The following CEP170 variants were observed in gnomAD, a reference collection of about 807,000 sequenced individuals.
CEP170 encodes the protein centrosomal protein 170.
CEP170 carries 21 observed loss-of-function variants against 151.9 expected under a neutral mutation model. The ratio of observed to expected loss-of-function variants is 0.14; its 90% CI spans 0.10 to 0.20. CEP170 has a LOEUF of 0.20. CEP170 is among the 10% of genes least tolerant of loss of function. CEP170 has a pLI of 1.00. For synonymous variants in CEP170, 356 were observed against 648.8 expected (o/e 0.55, Z 6.86); for missense variants, 964 against 1,892.9 (o/e 0.51, Z 9.11).
intron 3 of CEP170, among the ~76,000 whole-genome samples, chr1:243,221,132 C>T (rs1016299618): frequency 6.6e-6 from 1 of 152,180 alleles, no homozygotes; most frequent in African/African-American, 2.4e-5. Flanking sequence ...TCACGCCATT[C>T]TCCTGCCTCA....
chr1:243,183,471 C>T (rs1037425333), intron 10 of CEP170, among the ~76,000 whole-genome samples: 6 of 152,084 alleles, frequency 3.9e-5, no homozygotes, highest in Non-Finnish European at 7.4e-5. Context: ...TTCTGCCTTC[C>T]TTCTGGCTGT....
chr1:243,157,269 A>C (rs1319801885), intron 13 of CEP170, among the ~76,000 whole-genome samples: 2 of 152,256 alleles, frequency 1.3e-5, no homozygotes, highest in African/African-American at 4.8e-5. Context: ...GTTAGTAAAG[A>C]CATTAAAAAA....
intron 1 of CEP170, 91 bp from the exon 2 acceptor site, chr1:243,225,412 G>A (rs910190424): frequency 9.7e-6 from 5 of 517,004 alleles, no homozygotes; most frequent in Non-Finnish European, 1.4e-5. Context: ...GAATAGAACT[G>A]CGTTCATCAA....
intron 4 of CEP170, among the ~76,000 whole-genome samples, chr1:243,208,876 C>T (rs1279439259): frequency 6.6e-6 from 1 of 151,950 alleles, no homozygotes; most frequent in Non-Finnish European, 1.5e-5. Flanking sequence ...TTTCCCAAAC[C>T]ACTGGGACTA....
At chr1:243,171,611 T>A (rs191315074) in intron 11 of CEP170, among the ~76,000 whole-genome samples, 1 of 152,296 alleles carries the variant, frequency 6.6e-6, no homozygotes, top group East Asian at 1.9e-4. Flanking sequence ...TCTGAATAAA[T>A]AATAATTAAT....
At chr1:243,150,342 G>A (rs2056946994) in intron 14 of CEP170, among the ~76,000 whole-genome samples, 2 of 152,084 alleles carry the variant, frequency 1.3e-5, no homozygotes, top group East Asian at 1.9e-4. Context: ...GTAGAGATGG[G>A]GTTTCACCAT....
rs1264846406 is a variant in CEP170, at chr1:243,191,559, T to G, written c.632-65A>C. ...GCTTCTGGCACTTGAGGGAGTCTGGTAATGGCCATGTGTACTACTCCGTGA... is the reference window on the plus strand; with the variant it reads ...GCTTCTGGCACTTGAGGGAGTCTGGGAATGGCCATGTGTACTACTCCGTGA... On this transcript the variant is annotated intron_variant, in intron 7 of 19. Transcript: ENST00000366542. The G allele has an allele frequency of 2.2e-6, 3 of 1,374,866 alleles. No individual in the cohort carries two copies. In the African/African-American group the frequency reaches 4.3e-5, roughly 20 times the overall value. 85.2% of individuals were successfully genotyped at this position (1,374,866 alleles called of 1,614,324 possible). A position where few individuals can be genotyped will look rare whatever the true frequency, so the allele number is the denominator to read the frequency against.
At chr1:243,233,811 T>C (rs973172200) in intron 1 of CEP170, among the ~76,000 whole-genome samples, 14 of 150,538 alleles carry the variant, frequency 9.3e-5, no homozygotes, top group African/African-American at 3.4e-4. Context: ...AATCGAGGAA[T>C]GATGGCAAGA....
intron 3 of CEP170, among the ~76,000 whole-genome samples, chr1:243,212,819 T>A (rs926780359): frequency 6.6e-6 from 1 of 152,090 alleles, no homozygotes; most frequent in African/African-American, 2.4e-5. Context: ...CATGCTACCA[T>A]GCCCAGCTAA....
intron 14 of CEP170, among the ~76,000 whole-genome samples, chr1:243,154,159 C>G (rs2057355605): frequency 6.6e-6 from 1 of 152,306 alleles, no homozygotes; most frequent in African/African-American, 2.4e-5. Flanking sequence ...AAGTGCTGAT[C>G]AAGTGAAATA....
chr1:243,162,542 A>C (rs1215132042), intron 13 of CEP170, among the ~76,000 whole-genome samples: 1 of 152,248 alleles, frequency 6.6e-6, no homozygotes. Context: ...GTATTTATCA[A>C]GTTCTGTATT....
Position 243,215,397 on chromosome 1 carries a change from C to T in CEP170, c.196-3433G>A, listed in dbSNP as rs185636926. ...TTTCAAAAGCGAATAGGAGAAATAT[C>T]GCTGAATTCCTTTTCTCAGCAAGGA... On this transcript the variant is annotated intron_variant, in intron 3 of 19. Coordinates refer to ENST00000366542, the MANE Select transcript of CEP170 (RefSeq NM_014812.3). Among the ~76,000 whole-genome samples the T allele has an allele frequency of 6.6e-5, 10 of 152,228 alleles. No homozygotes were observed. In the East Asian group the frequency reaches 1.4e-3, roughly 21 times the overall value.
intron 16 of CEP170, among the ~76,000 whole-genome samples, chr1:243,137,168 G>A (rs1406389962): frequency 6.6e-6 from 1 of 152,208 alleles, no homozygotes; most frequent in Admixed American, 6.5e-5. Context: ...CAAGTGACAG[G>A]TTGGATTTGG....
intron 1 of CEP170, among the ~76,000 whole-genome samples, chr1:243,230,716 G>A (rs113552309): frequency 2.6e-5 from 4 of 152,204 alleles, no homozygotes; most frequent in African/African-American, 7.2e-5. Flanking sequence ...TTCAATATGA[G>A]AAGCAGAAAA....
At chr1:243,188,891 G>A (rs1162179434) in intron 8 of CEP170, among the ~76,000 whole-genome samples, 3 of 152,156 alleles carry the variant, frequency 2.0e-5, no homozygotes, top group Admixed American at 2.0e-4. Context: ...ATCTAATGAT[G>A]GAAGCTCTGA....
rs2057557155 is a variant in CEP170 at position 243,156,458 on chromosome 1, A to G, written c.3677-3T>C. 1 of 1,534,434 alleles carries G rather than the reference A, an allele frequency of 6.5e-7. No homozygotes were observed. Among genetic ancestry groups the G allele is most frequent in the African/African-American group, 1.4e-5 (1 of 71,968 alleles). ...AAAGCGCCTCCATCTTGAATTTACT[A>G]AATTAGTTTAATTATTAAAAAAAGA... On this transcript the variant is annotated splice_polypyrimidine_tract_variant and splice_region_variant and intron_variant, in intron 13 of 19. Coordinates refer to ENST00000366542, the MANE Select transcript of CEP170 (RefSeq NM_014812.3).
chr1:243,187,982 A>T (rs1200530083), intron 8 of CEP170, among the ~76,000 whole-genome samples: 1 of 152,106 alleles, frequency 6.6e-6, no homozygotes, highest in African/African-American at 2.4e-5. Flanking sequence ...TCTTTCTTCA[A>T]ATTGTTGACT....
intron 1 of CEP170, among the ~76,000 whole-genome samples, chr1:243,225,689 C>T (rs1367990577): frequency 1.3e-5 from 2 of 152,012 alleles, no homozygotes; most frequent in African/African-American, 4.8e-5. Context: ...CAATACTGTA[C>T]CAATAAATGT....
chr1:243,187,720 A>G (rs1471995501), intron 8 of CEP170, among the ~76,000 whole-genome samples: 3 of 152,188 alleles, frequency 2.0e-5, no homozygotes, highest in Admixed American at 6.5e-5. Context: ...TTCCTAATGA[A>G]TTTAGAGATT....
Sources: allele counts gnomAD v4.1 joint callset (sites outside exome capture counted in the v4.1 genomes callset), GRCh38; gene constraint gnomAD v4.1.1; transcripts MANE v1.5; gene names NCBI Gene and HGNC (gene_info 2026-07-23, HGNC 2026-07-21).